DLG2: variants seen among roughly 807,000 people sequenced by gnomAD.
The protein encoded by DLG2 is discs large MAGUK scaffold protein 2, also known as disks large homolog 2.
In DLG2, 45 loss-of-function variants were observed where a neutral mutation model predicts 132.5. That is an observed-to-expected ratio of 0.34 (90% confidence interval 0.27 to 0.44). The LOEUF is 0.44. DLG2 is among the 20% of genes least tolerant of loss of function. The pLI, the probability that DLG2 is intolerant of heterozygous loss-of-function variation, is 1.00. For synonymous variants in DLG2, 424 were observed against 419.6 expected, an observed-to-expected ratio of 1.01 and a Z score of -0.13; for missense variants, 1,045 against 1,196.9, an observed-to-expected ratio of 0.87 and a Z score of 1.87.
intron 17 of DLG2, among the ~76,000 whole-genome samples, chr11:83,795,441 A>ATATATCTATATCTATATC (rs71066068): frequency 2.7e-5 from 4 of 147,468 alleles, no homozygotes; most frequent in Non-Finnish European, 1.5e-5. Context: ...ATCTATATCT[A>ATATATCTATATCTATATC]TATATCTATA....
intron 4 of DLG2, among the ~76,000 whole-genome samples, chr11:85,188,127 G>C (rs1057148213): frequency 6.6e-6 from 1 of 152,140 alleles, no homozygotes; most frequent in Non-Finnish European, 1.5e-5. Flanking sequence ...GTTGGCAATG[G>C]CTTGTAAACT....
rs192844571 is a variant in DLG2 at position 84,661,658 on chromosome 11, G to T, written c.358-126927C>A. 3.9e-5 allele frequency among the ~76,000 whole-genome samples: 6 copies of T among 152,212 alleles called. No homozygotes were observed. In the East Asian group the frequency reaches 9.7e-4, roughly 25 times the overall value. ...CAACTAAGACATGATCTGTCTCTTTGAGTTCCTCACAATTCAGTATATTTG... is the reference window on the plus strand; with the variant it reads ...CAACTAAGACATGATCTGTCTCTTTTAGTTCCTCACAATTCAGTATATTTG... On this transcript the variant is annotated intron_variant, in intron 6 of 27. Coordinates refer to ENST00000376104, the MANE Select transcript of DLG2 (RefSeq NM_001142699.3).
At chr11:84,186,541 T>C (rs2096279909) in intron 8 of DLG2, among the ~76,000 whole-genome samples, 1 of 151,984 alleles carries the variant, frequency 6.6e-6, no homozygotes, top group African/African-American at 2.4e-5. Context: ...TAAATATTTG[T>C]TAGATTGAAG....
At chr11:83,509,811 T>C (rs1405594900) in intron 21 of DLG2, among the ~76,000 whole-genome samples, 2 of 152,118 alleles carry the variant, frequency 1.3e-5, no homozygotes, top group East Asian at 1.9e-4. Context: ...TGGGAGAAAG[T>C]GCAAGCTGAA....
At chr11:84,846,115 C>G (rs2081439959) in intron 6 of DLG2, among the ~76,000 whole-genome samples, 2 of 152,010 alleles carry the variant, frequency 1.3e-5, no homozygotes, top group African/African-American at 2.4e-5. Flanking sequence ...TCAAGGTGAT[C>G]TCATCTAGAA....
intron 6 of DLG2, among the ~76,000 whole-genome samples, chr11:84,865,808 C>T (rs980469794): frequency 3.3e-5 from 5 of 152,120 alleles, no homozygotes; most frequent in African/African-American, 4.8e-5. Flanking sequence ...TAAATTATTT[C>T]CTTCATAAGC....
At chr11:85,138,610 G>T (rs956024254) in intron 5 of DLG2, among the ~76,000 whole-genome samples, 2 of 152,106 alleles carry the variant, frequency 1.3e-5, no homozygotes, top group African/African-American at 4.8e-5. Context: ...TTCCCACGTC[G>T]TGGGAGGGAC....
Position 85,021,687 on chromosome 11 carries a change from A to C in DLG2, c.357+89974T>G, listed in dbSNP as rs144116203. ...ATGATAAGGTTTCTCACACAGCTGA[A>C]AATGTGGCTGAAGATCAAAAAAAAT... On this transcript the variant is annotated intron_variant, in intron 6 of 27. Transcript: ENST00000376104. The C allele has an allele frequency of 5.0e-4, 498 of 1,005,586 alleles. 2 individuals are homozygous for C. In the African/African-American group the frequency reaches 7.0e-3, roughly 14 times the overall value. The allele number at this position is 1,005,586 out of a possible 1,614,324, so 62.3% of individuals were successfully genotyped here.
chr11:85,100,248 C>T (rs1422777427), intron 6 of DLG2, among the ~76,000 whole-genome samples: 1 of 152,064 alleles, frequency 6.6e-6, no homozygotes, highest in Non-Finnish European at 1.5e-5. Context: ...ATGCAACCAC[C>T]TTCAGAGTTC....
intron 6 of DLG2, among the ~76,000 whole-genome samples, chr11:84,829,696 T>C (rs1371081686): frequency 6.6e-6 from 1 of 151,600 alleles, no homozygotes; most frequent in Non-Finnish European, 1.5e-5. Flanking sequence ...TTCAGAAGGG[T>C]CGAAGATAAT....
intron 6 of DLG2, among the ~76,000 whole-genome samples, chr11:84,579,100 A>G (rs2099510333): frequency 6.6e-6 from 1 of 152,004 alleles, no homozygotes; most frequent in Admixed American, 6.6e-5. Context: ...TGGAACTATA[A>G]GTCCAATTAA....
intron 18 of DLG2, among the ~76,000 whole-genome samples, chr11:83,657,848 C>T (rs1287558823): frequency 1.3e-5 from 2 of 152,160 alleles, no homozygotes; most frequent in Non-Finnish European, 2.9e-5. Flanking sequence ...CCTATATTGT[C>T]TATTCTTAAC....
At chr11:83,736,587 A>G (rs1334724676) in intron 18 of DLG2, among the ~76,000 whole-genome samples, 1 of 152,192 alleles carries the variant, frequency 6.6e-6, no homozygotes, top group East Asian at 1.9e-4. Flanking sequence ...GCGCTGGTTA[A>G]TAAATAAAAC....
At chr11:84,287,282 G>A (rs1400791251) in intron 7 of DLG2, among the ~76,000 whole-genome samples, 1 of 152,008 alleles carries the variant, frequency 6.6e-6, no homozygotes, top group Admixed American at 6.6e-5. Flanking sequence ...CATCATAAAA[G>A]TATCACATTT....
At chr11:84,967,849 C>T (rs2154112922) in intron 6 of DLG2, among the ~76,000 whole-genome samples, 1 of 152,056 alleles carries the variant, frequency 6.6e-6, no homozygotes, top group African/African-American at 2.4e-5. Context: ...CAGTAAACAA[C>T]ATATAAACTG....
chr11:84,888,045 C>T (rs1220198368), intron 6 of DLG2, among the ~76,000 whole-genome samples: 1 of 152,126 alleles, frequency 6.6e-6, no homozygotes, highest in African/African-American at 2.4e-5. Flanking sequence ...GTGGCCCTCT[C>T]ATTGATTCAT....
chr11:84,246,206 G>C (rs890290701), intron 8 of DLG2, among the ~76,000 whole-genome samples: 4 of 152,174 alleles, frequency 2.6e-5, no homozygotes, highest in Admixed American at 6.5e-5. Flanking sequence ...ATATTAAATG[G>C]AGAATTCCAG....
chr11:84,760,196 C>T (rs1030366023), intron 6 of DLG2, among the ~76,000 whole-genome samples: 7 of 152,194 alleles, frequency 4.6e-5, no homozygotes, highest in Non-Finnish European at 8.8e-5. Flanking sequence ...TATTAAGTTT[C>T]ATATTCCTGT....
At chr11:85,499,377 C>A (rs912926615) in intron 3 of DLG2, among the ~76,000 whole-genome samples, 1 of 152,072 alleles carries the variant, frequency 6.6e-6, no homozygotes. Context: ...ATAAATACAA[C>A]CCCCAGGACT....
Sources: allele counts gnomAD v4.1 joint callset (sites outside exome capture counted in the v4.1 genomes callset), GRCh38; gene constraint gnomAD v4.1.1; transcripts MANE v1.5; gene names NCBI Gene and HGNC (gene_info 2026-07-23, HGNC 2026-07-21).